Variants in AMBRA1 observed in about 807,000 individuals in gnomAD.
AMBRA1 encodes the protein autophagy and beclin 1 regulator 1, also known as activating molecule in BECN1-regulated autophagy protein 1.
A neutral mutation model predicts 125.4 loss-of-function variants in AMBRA1; 47 were observed. The observed-to-expected ratio is 0.37, with a 90% CI of 0.30 to 0.48. The LOEUF is 0.48. Ranked by LOEUF, AMBRA1 falls within the 20% of genes least tolerant of loss-of-function variation. The pLI, the probability that AMBRA1 is intolerant of heterozygous loss-of-function variation, is 0.99. For synonymous variants in AMBRA1, 626 were observed against 655.5 expected (o/e 0.95, Z 0.69); for missense variants, 1,331 against 1,693.4 (o/e 0.79, Z 3.76).
chr11:46,525,414 G>GTGGCAAAACCCTGTCTT (rs1351526075), intron 7 of AMBRA1, among the ~76,000 whole-genome samples: 3 of 151,904 alleles, frequency 2.0e-5, no homozygotes, highest in Non-Finnish European at 4.4e-5. Context: ...CATGGCCAAA[G>GTGGCAAAACCCTGTCTT]TGGCAAAACC....
intron 15 of AMBRA1, among the ~76,000 whole-genome samples, chr11:46,415,184 C>T (rs1946480963): frequency 6.6e-6 from 1 of 152,194 alleles, no homozygotes; most frequent in African/African-American, 2.4e-5. Flanking sequence ...CCCTGAGCTC[C>T]TACTTCCCTA....
chr11:46,446,190 C>G (rs1411421764), intron 11 of AMBRA1, among the ~76,000 whole-genome samples: 19 of 152,110 alleles, frequency 1.2e-4, no homozygotes, highest in Admixed American at 1.2e-3. Context: ...CAAGGAGAGT[C>G]ATTTTTTTTG....
intron 11 of AMBRA1, among the ~76,000 whole-genome samples, chr11:46,457,793 T>C (rs530497688): frequency 6.6e-6 from 1 of 151,982 alleles, no homozygotes; most frequent in South Asian, 2.1e-4. Context: ...TCCCAACTAC[T>C]TAGAAGGCTG....
rs1952784714 is a variant in AMBRA1, at chr11:46,542,243, A to G, written c.1774T>C (p.Ser592Pro). The G allele has an allele frequency of 1.2e-6, 2 of 1,614,038 alleles. No individual in the cohort carries two copies. The highest frequency in any genetic ancestry group is 1.3e-5 in the African/African-American group (1 of 75,018). ...CAAGAGGAACTAGCCTCGCCAGAGG[A>G]GTAGTTAGGTGTGGTTCTTTCCCAG... Reference protein sequence around the residue: ...LRWERTTPNYSSGEASSSWQV... With the variant: ...LRWERTTPNYPSGEASSSWQV... The change falls in exon 7 of 18, where the codon TCC becomes CCC. Residue 592 changes from serine to proline, a missense_variant. Around this residue, in one of 4 missense-constraint regions of AMBRA1, gnomAD observed 689 missense variants for 776.5 expected, o/e 0.89. Coordinates refer to ENST00000683756, the MANE Select transcript of AMBRA1 (RefSeq NM_001387011.1). The surrounding 1 kb of genome is among the most constrained non-coding windows in gnomAD (Gnocchi z 5.9).
intron 11 of AMBRA1, among the ~76,000 whole-genome samples, chr11:46,464,370 G>A (rs887650670): frequency 1.3e-5 from 2 of 152,086 alleles, no homozygotes; most frequent in African/African-American, 2.4e-5. Flanking sequence ...CAAAAAAGTT[G>A]AGCAGTTGCT....
chr11:46,558,572 A>G (rs1465897135), intron 1 of AMBRA1, among the ~76,000 whole-genome samples: 2 of 151,354 alleles, frequency 1.3e-5, no homozygotes, highest in Non-Finnish European at 2.9e-5. Context: ...AAAAAAAAAA[A>G]AACCACTACC....
At chr11:46,407,670 T>C (rs541200970) in intron 17 of AMBRA1, among the ~76,000 whole-genome samples, 2 of 152,352 alleles carry the variant, frequency 1.3e-5, no homozygotes, top group East Asian at 3.9e-4. Flanking sequence ...CAATACCCTG[T>C]TGGGGACTGC....
At chr11:46,524,302 T>C (rs1210776786) in intron 7 of AMBRA1, among the ~76,000 whole-genome samples, 1 of 152,250 alleles carries the variant, frequency 6.6e-6, no homozygotes, top group Non-Finnish European at 1.5e-5. Context: ...TTTTTGCTTC[T>C]GGGTGCCAGA....
At chr11:46,477,296 A>T (rs1186804625) in intron 11 of AMBRA1, among the ~76,000 whole-genome samples, 1 of 151,180 alleles carries the variant, frequency 6.6e-6, no homozygotes, top group Non-Finnish European at 1.5e-5. Context: ...CATTAGGGAG[A>T]GTCTTTGTCT....
At position 46,508,387 on chromosome 11, in the gene AMBRA1, T is replaced by C; in HGVS notation, c.2160-17A>G. ...GGAGATAATCTGAGAGAGACAGAGATGGACAAACACAAACTAGCACTAATG... is the reference window on the plus strand; with the variant it reads ...GGAGATAATCTGAGAGAGACAGAGACGGACAAACACAAACTAGCACTAATG... On this transcript the variant is annotated splice_polypyrimidine_tract_variant and intron_variant, in intron 8 of 17. Transcript: ENST00000683756. The C allele has an allele frequency of 6.2e-7, 1 of 1,611,314 alleles. No individual in the cohort carries two copies. The highest frequency in any genetic ancestry group is 8.5e-7 in the Non-Finnish European group (1 of 1,177,890).
chr11:46,546,887 AT>A (rs1296767696), intron 4 of AMBRA1, among the ~76,000 whole-genome samples: 1 of 152,154 alleles, frequency 6.6e-6, no homozygotes, highest in East Asian at 1.9e-4. Context: ...CCTGGCCAAC[AT>A]AGTGAATCCC....
intron 1 of AMBRA1, among the ~76,000 whole-genome samples, chr11:46,581,504 G>A (rs1436057396): frequency 1.3e-5 from 2 of 151,914 alleles, no homozygotes; most frequent in African/African-American, 4.8e-5. Flanking sequence ...CTACTTGGGA[G>A]GCTAAGGCAG....
At chr11:46,500,625 A>G (rs1251745154) in intron 9 of AMBRA1, among the ~76,000 whole-genome samples, 2 of 152,154 alleles carry the variant, frequency 1.3e-5, no homozygotes, top group Non-Finnish European at 2.9e-5. Context: ...TCTCTCTCAT[A>G]TCACAAACAC....
chr11:46,488,544 A>G (rs1467989445), intron 11 of AMBRA1, among the ~76,000 whole-genome samples: 1 of 152,174 alleles, frequency 6.6e-6, no homozygotes, highest in Non-Finnish European at 1.5e-5. Context: ...TCAATAACTG[A>G]CAAACTAGAT....
intron 1 of AMBRA1, among the ~76,000 whole-genome samples, chr11:46,561,437 C>T (rs559053906): frequency 1.3e-5 from 2 of 151,642 alleles, no homozygotes; most frequent in South Asian, 4.2e-4. Context: ...GAACATTAAC[C>T]CAGGAATCTT....
intron 3 of AMBRA1, 88 bp from the exon 4 acceptor site, chr11:46,547,384 C>T: frequency 8.6e-7 from 1 of 1,159,892 alleles, no homozygotes. Flanking sequence ...AATATTGATG[C>T]TACCTGCCAA....
intron 11 of AMBRA1, among the ~76,000 whole-genome samples, chr11:46,473,841 G>A (rs953716992): frequency 2.0e-5 from 3 of 152,146 alleles, no homozygotes; most frequent in African/African-American, 4.8e-5. Flanking sequence ...TAGTGGAGAC[G>A]GTGTTTCACC....
intron 7 of AMBRA1, among the ~76,000 whole-genome samples, chr11:46,533,675 G>A (rs367921911): frequency 1.3e-5 from 2 of 152,168 alleles, no homozygotes; most frequent in African/African-American, 4.8e-5. Context: ...AGTTGGCCTA[G>A]CTTTAATTTA....
rs980638936 is a variant in AMBRA1 at position 46,542,240 on chromosome 11, A to G, written c.1777T>C (p.Ser593Pro). Residue 593 changes from serine to proline, a missense_variant, in exon 7 of 18, where the codon TCT (serine) becomes CCT (proline). By Grantham distance (74) the Ser-to-Pro change is moderately conservative. Coordinates refer to ENST00000683756, the MANE Select transcript of AMBRA1 (RefSeq NM_001387011.1). The surrounding 1 kb of genome is among the most constrained non-coding windows in gnomAD (Gnocchi z 5.9). The part of the protein sequence containing the change: ...RWERTTPNYS[S>P]GEASSSWQVP... ...TGCCAAGAGGAACTAGCCTCGCCAG[A>G]GGAGTAGTTAGGTGTGGTTCTTTCC... The G allele has an allele frequency of 1.9e-6, 3 of 1,613,978 alleles. No individual in the cohort carries two copies. Among genetic ancestry groups the G allele is most frequent in the Admixed American group, 1.7e-5 (1 of 60,016 alleles).
Sources: allele counts gnomAD v4.1 joint callset (sites outside exome capture counted in the v4.1 genomes callset), GRCh38; gene constraint gnomAD v4.1.1; regional missense constraint gnomAD v4.1.1; non-coding constraint Gnocchi (gnomAD v3.1); transcripts MANE v1.5; gene names NCBI Gene and HGNC (gene_info 2026-07-23, HGNC 2026-07-21).